CAPN8: variants seen among roughly 807,000 people sequenced by gnomAD.
CAPN8 encodes the protein calpain-8.
A neutral mutation model predicts 80.9 loss-of-function variants in CAPN8; 87 were observed. That is an observed-to-expected ratio of 1.07 (90% CI 0.90 to 1.28). The LOEUF (loss-of-function observed/expected upper bound fraction) is 1.28. Ranked by LOEUF, CAPN8 falls within the 50% of genes most tolerant of loss-of-function variation. The pLI, the probability that CAPN8 is intolerant of heterozygous loss-of-function variation, is 0.00. For synonymous variants in CAPN8, 299 were observed against 273.8 expected (o/e 1.09, Z -0.91); for missense variants, 757 against 702.0 (o/e 1.08, Z -0.89).
At position 223,557,439 on chromosome 1, in the gene CAPN8, AC is replaced by A. The variant is rs1572226737; in HGVS notation, c.1572+691del. Among the ~76,000 whole-genome samples the A allele has an allele frequency of 2.0e-5, 3 of 152,056 alleles. No homozygotes were observed. In the East Asian group the frequency reaches 5.8e-4, roughly 29 times the overall value. Reference sequence around the variant, plus strand: ...GCCCCCATGAAGGTGGTCCTGCCCCACCCAGGCCAGTGCCCACTGGCCACAG... The same window carrying A: ...GCCCCCATGAAGGTGGTCCTGCCCCACCAGGCCAGTGCCCACTGGCCACAG... On this transcript the variant is annotated intron_variant, in intron 13 of 20. Coordinates refer to ENST00000366872, the MANE Select transcript of CAPN8 (RefSeq NM_001143962.2).
intron 10 of CAPN8, among the ~76,000 whole-genome samples, chr1:223,614,759 C>T (rs935634376): frequency 2.0e-5 from 3 of 152,144 alleles, no homozygotes; most frequent in Non-Finnish European, 4.4e-5. Flanking sequence ...GCACAGCACC[C>T]GGCACATAAT....
intron 9 of CAPN8, chr1:223,617,903 T>C (rs1657248992): frequency 4.6e-6 from 1 of 215,588 alleles, no homozygotes; most frequent in Admixed American, 5.3e-5. Context: ...ACCCCTTTCC[T>C]TCCTCTCTGT....
chr1:223,549,485 G>A lies in CAPN8; in HGVS notation c.1700-103C>T, dbSNP rs1037271745. On this transcript the variant is annotated intron_variant, in intron 15 of 20. Transcript: ENST00000366872. ...CTCCAAAGATACCATCCAAGGGTGT[G>A]GAACCGAACTTGGTCTCTGCCAAAA... is the stretch of plus-strand genomic sequence containing the variant. 4.6e-6 allele frequency: 7 copies of A among 1,522,928 alleles called. No individual in the cohort carries two copies. The Admixed American group carries it at 1.2e-4, about 26-fold the overall frequency. The allele number at this position is 1,522,928 out of a possible 1,614,324, so 94.3% of individuals were successfully genotyped here.
At chr1:223,542,198 T>A (rs1165945794) in intron 20 of CAPN8, among the ~76,000 whole-genome samples, 1 of 143,076 alleles carries the variant, frequency 7.0e-6, no homozygotes, top group East Asian at 1.9e-4. Flanking sequence ...TGTGTGTGTA[T>A]ATATATATCC....
intron 2 of CAPN8, among the ~76,000 whole-genome samples, chr1:223,632,827 T>C (rs1441698658): frequency 6.6e-6 from 1 of 152,212 alleles, no homozygotes; most frequent in Non-Finnish European, 1.5e-5. Context: ...TGCTCACTCA[T>C]GCGCTTTAAG....
chr1:223,547,234 G>A (rs1306367056), intron 16 of CAPN8, among the ~76,000 whole-genome samples: 1 of 152,066 alleles, frequency 6.6e-6, no homozygotes, highest in African/African-American at 2.4e-5. Flanking sequence ...TTTTTTTCTA[G>A]CACTTTGTAG....
chr1:223,613,684 A>C (rs34621468), intron 10 of CAPN8, among the ~76,000 whole-genome samples: 206 of 152,338 alleles, frequency 1.4e-3, no homozygotes, highest in East Asian at 9.4e-3. Context: ...GAGGGGAGAG[A>C]GAGGAGGCCA....
At chr1:223,555,417 ATATTAACGCC>A (rs1656880905) in intron 13 of CAPN8, among the ~76,000 whole-genome samples, 4 of 152,218 alleles carry the variant, frequency 2.6e-5, no homozygotes, top group Admixed American at 2.6e-4. Flanking sequence ...CAGAATGAGG[ATATTAACGCC>A]TACCATGCTG....
chr1:223,552,857 G>T (rs1158159437), intron 14 of CAPN8, among the ~76,000 whole-genome samples: 1 of 152,156 alleles, frequency 6.6e-6, no homozygotes, highest in Non-Finnish European at 1.5e-5. Flanking sequence ...ATCATTCTTG[G>T]TGTTCTTAAT....
chr1:223,634,320 C>A (rs938098390), intron 2 of CAPN8, among the ~76,000 whole-genome samples: 3 of 152,030 alleles, frequency 2.0e-5, no homozygotes, highest in Non-Finnish European at 4.4e-5. Context: ...TCCACTGGAC[C>A]CTGAGGAAAT....
rs544292866 is a variant in CAPN8, at chr1:223,612,161, G to A, written c.1323+85C>T. On this transcript the variant is annotated intron_variant, in intron 11 of 20. Transcript: ENST00000366872. ...GTGGAACAACCAGCTTCTACCACAGGAAACAGACGCTGCTGGCTGCCCATC... is the reference window on the plus strand; with the variant it reads ...GTGGAACAACCAGCTTCTACCACAGAAAACAGACGCTGCTGGCTGCCCATC... 5 of 1,147,184 alleles carry A rather than the reference G, an allele frequency of 4.4e-6. No homozygotes were observed. In the South Asian group the frequency reaches 1.8e-4, roughly 41 times the overall value. 71.1% of individuals were successfully genotyped at this position (1,147,184 alleles called of 1,614,324 possible).
At position 223,548,786 on chromosome 1, in the gene CAPN8, A is replaced by G. The variant is rs1484805084; in HGVS notation, c.1764+532T>C. ...GCCTAACACACCATACTTCAATATC[A>G]AGTGAGGGTTAAACTAGATCAGGGA... On this transcript the variant is annotated intron_variant, in intron 16 of 20. Coordinates refer to ENST00000366872, the MANE Select transcript of CAPN8 (RefSeq NM_001143962.2). Among the ~76,000 whole-genome samples, 4 of 152,284 alleles carry G rather than the reference A, an allele frequency of 2.6e-5. No homozygotes were observed. In the East Asian group the frequency reaches 7.7e-4, roughly 29 times the overall value.
Position 223,665,529 on chromosome 1 carries a change from A to C in CAPN8, c.118T>G (p.Leu40Val). 1.3e-6 allele frequency: 2 copies of C among 1,551,758 alleles called. No individual in the cohort carries two copies. Among genetic ancestry groups the C allele is most frequent in the Non-Finnish European group, 1.7e-6 (2 of 1,147,012 alleles). Reference sequence around the variant, plus strand: ...TCCTTAAATAGGACCCCTGAGTCCAAGCACTGTTGCCTCAGGGTCTTGAAA... The same window carrying C: ...TCCTTAAATAGGACCCCTGAGTCCACGCACTGTTGCCTCAGGGTCTTGAAA... ...QDFKTLRQQC[L>V]DSGVLFKDPE... Residue 40 changes from leucine (L) to valine (V), a missense_variant, in exon 1 of 21, where the codon TTG (leucine) becomes GTG (valine). Transcript: ENST00000366872.
At chr1:223,630,206 G>A (rs76603385) in intron 2 of CAPN8, among the ~76,000 whole-genome samples, 5 of 151,764 alleles carry the variant, frequency 3.3e-5, no homozygotes, top group African/African-American at 7.3e-5. Flanking sequence ...TCCCAACAAA[G>A]TCATTCATGA....
rs1379244169 is a variant in CAPN8 at position 223,549,379 on chromosome 1, G to A, written c.1703C>T (p.Thr568Ile). The A allele has an allele frequency of 6.4e-7, 1 of 1,551,736 alleles. No individual in the cohort carries two copies. The highest frequency in any genetic ancestry group is 1.4e-5 in the African/African-American group (1 of 73,122). Residue 568 changes from threonine to isoleucine, a missense_variant, in exon 16 of 21, where the codon ACA becomes ATA. Thr to Ile is a moderately conservative substitution (Grantham distance 89, BLOSUM62 -1). Transcript: ENST00000366872. ...GTTGAATCCATCGAATTTTATGTCT[G>A]TTCCTAAAGATTTAAATAGAAAAGG... is the stretch of plus-strand genomic sequence containing the variant. The part of the protein sequence containing the change: ...ILLNEAFSKR[T>I]DIKFDGFNIN...
intron 2 of CAPN8, among the ~76,000 whole-genome samples, chr1:223,649,400 A>T (rs1340336899): frequency 6.6e-6 from 1 of 152,194 alleles, no homozygotes; most frequent in Non-Finnish European, 1.5e-5. Context: ...CCCAGGATGC[A>T]GTGAGCACTG....
intron 14 of CAPN8, among the ~76,000 whole-genome samples, chr1:223,551,389 C>T (rs1254375059): frequency 6.6e-6 from 1 of 152,232 alleles, no homozygotes; most frequent in Non-Finnish European, 1.5e-5. Flanking sequence ...GATCTGCCCA[C>T]CTCAGCCTCC....
chr1:223,556,396 C>T (rs1656906694), intron 13 of CAPN8, among the ~76,000 whole-genome samples: 1 of 152,138 alleles, frequency 6.6e-6, no homozygotes, highest in Admixed American at 6.5e-5. Flanking sequence ...TGAAAGTTTA[C>T]AGGATCTTGG....
At chr1:223,543,559 G>A (rs1227124532) in intron 19 of CAPN8, among the ~76,000 whole-genome samples, 4 of 152,078 alleles carry the variant, frequency 2.6e-5, no homozygotes, top group Non-Finnish European at 4.4e-5. Flanking sequence ...CCACTAGAAC[G>A]TAACACCTAC....
Sources: gnomAD v4.1 joint callset for allele counts (sites outside exome capture counted in the v4.1 genomes callset) on GRCh38, gnomAD v4.1.1 for gene constraint, MANE v1.5 for transcripts, NCBI Gene and HGNC (gene_info 2026-07-23, HGNC 2026-07-21) for gene names.